TG: variants seen among roughly 807,000 people sequenced by gnomAD.
The protein encoded by TG is thyroid hormones.
In TG, 270 loss-of-function variants were observed where a neutral mutation model predicts 324.7. The observed-to-expected ratio is 0.83, with a 90% confidence interval of 0.75 to 0.92. The LOEUF is 0.92. TG is among the 40% of genes least tolerant of loss of function. The probability of loss-of-function intolerance (pLI) is 0.00; values close to 1 mark genes in which losing one functional copy is unlikely to be tolerated. For missense variants in TG, 3,591 were observed against 3,456.4 expected, an observed-to-expected ratio of 1.04 and a Z score of -0.98; for synonymous variants, 1,401 against 1,327.0, an observed-to-expected ratio of 1.06 and a Z score of -1.21.
chr8:133,097,490 A>C (rs1848599145), intron 43 of TG, among the ~76,000 whole-genome samples: 2 of 152,230 alleles, frequency 1.3e-5, no homozygotes, highest in African/African-American at 4.8e-5. Context: ...AGATATTAAA[A>C]AGAATGAGCT....
At chr8:132,877,585 C>T (rs895690357) in intron 5 of TG, among the ~76,000 whole-genome samples, 4 of 152,190 alleles carry the variant, frequency 2.6e-5, no homozygotes, top group South Asian at 2.1e-4. Context: ...TCGTACTCTG[C>T]GAATGAACAA....
intron 29 of TG, chr8:132,964,923 G>T (rs1564011617): frequency 1.4e-6 from 1 of 702,444 alleles, no homozygotes; most frequent in East Asian, 2.7e-5. Context: ...GGATCTGCCA[G>T]ATGCTCCCAG....
intron 41 of TG, among the ~76,000 whole-genome samples, chr8:133,093,469 G>A (rs1192446512): frequency 6.6e-6 from 1 of 152,118 alleles, no homozygotes; most frequent in Non-Finnish European, 1.5e-5. Context: ...TTGTCTAAGC[G>A]GTTAAGGACA....
chr8:132,974,643 T>C (rs563692396), intron 34 of TG, among the ~76,000 whole-genome samples: 11 of 152,356 alleles, frequency 7.2e-5, no homozygotes, highest in African/African-American at 2.2e-4. Context: ...AATGTCTAGA[T>C]ACCTTTCCTG....
intron 31 of TG, among the ~76,000 whole-genome samples, chr8:132,968,220 C>A (rs1828916796): frequency 6.6e-6 from 1 of 152,062 alleles, no homozygotes; most frequent in South Asian, 2.1e-4. Flanking sequence ...CAGAAGTGGG[C>A]TTTAAAAAAA....
rs537612589 is a variant in TG, at chr8:133,118,028, G to T, written c.7862+1312G>T. 3.3e-5 allele frequency among the ~76,000 whole-genome samples: 5 copies of T among 152,298 alleles called. No homozygotes were observed. In the East Asian group the frequency reaches 9.7e-4, roughly 29 times the overall value. The stretch of plus-strand genomic sequence containing the variant: ...ACAGGGCTTTACCCTGTGTTACTTA[G>T]CAAGGCAAGGGAACTCTTATAAACA... On this transcript the variant is annotated intron_variant, in intron 45 of 47. Coordinates refer to ENST00000220616, the MANE Select transcript of TG (RefSeq NM_003235.5).
At chr8:133,032,096 T>A (rs922304863) in intron 41 of TG, among the ~76,000 whole-genome samples, 2 of 151,964 alleles carry the variant, frequency 1.3e-5, no homozygotes, top group African/African-American at 4.8e-5. Flanking sequence ...CATCTTAGAG[T>A]CCGTGGATGT....
At chr8:133,096,097 G>A in intron 42 of TG, 109 bp from the exon 43 acceptor site, 1 of 1,386,650 alleles carries the variant, frequency 7.2e-7, no homozygotes, top group Non-Finnish European at 1.0e-6. Flanking sequence ...TCTCAGTAGA[G>A]TCATAGATGG....
At chr8:132,868,351 T>G (rs1839167196) in intron 2 of TG, 128 bp downstream of exon 2, 1 of 869,450 alleles carries the variant, frequency 1.2e-6, no homozygotes, top group Admixed American at 2.0e-5. Flanking sequence ...CCACTGTCAT[T>G]TGGAGGTGCC....
At chr8:133,096,787 C>A (rs1339434474) in intron 43 of TG, among the ~76,000 whole-genome samples, 2 of 152,220 alleles carry the variant, frequency 1.3e-5, no homozygotes, top group African/African-American at 2.4e-5. Flanking sequence ...GAAAAAGACA[C>A]TGAAGCACCA....
chr8:133,070,298 G>A (rs780015837), intron 41 of TG, among the ~76,000 whole-genome samples: 1 of 152,162 alleles, frequency 6.6e-6, no homozygotes, highest in African/African-American at 2.4e-5. Context: ...GACACCACTG[G>A]AGCGAACCGA....
chr8:132,888,303 C>G lies in TG; in HGVS notation c.2496C>G (p.Val832=), dbSNP rs749680058. Reference sequence around the variant, plus strand: ...TGTATGAGGCTGGCCAGCAAGATGTCTTCCCGGTGCTGTCACAATACCCTT... The same window carrying G: ...TGTATGAGGCTGGCCAGCAAGATGTGTTCCCGGTGCTGTCACAATACCCTT... ...QSLYEAGQQD[V]FPVLSQYPSL... The change falls in exon 10 of 48, where the codon GTC becomes GTG. Residue 832 remains valine, a synonymous_variant. Coordinates refer to ENST00000220616, the MANE Select transcript of TG (RefSeq NM_003235.5). The G allele has an allele frequency of 1.2e-6, 2 of 1,614,034 alleles. No individual in the cohort carries two copies. Among genetic ancestry groups the G allele is most frequent in the Admixed American group, 3.3e-5 (2 of 59,992 alleles).
intron 43 of TG, among the ~76,000 whole-genome samples, chr8:133,099,078 G>A (rs1325859281): frequency 6.6e-6 from 1 of 152,200 alleles, no homozygotes; most frequent in Non-Finnish European, 1.5e-5. Context: ...AAAGAAAGAT[G>A]GGGCCACCAG....
intron 41 of TG, chr8:133,072,846 G>A (rs991215423): frequency 3.3e-5 from 5 of 152,110 alleles, no homozygotes; most frequent in Admixed American, 1.3e-4. Context: ...TGTCTGTTTC[G>A]TTTATATCAG....
At chr8:133,061,253 C>G (rs1381021137) in intron 41 of TG, among the ~76,000 whole-genome samples, 1 of 152,234 alleles carries the variant, frequency 6.6e-6, no homozygotes, top group Non-Finnish European at 1.5e-5. Flanking sequence ...AGGTGATCTA[C>G]CTGCCTTGGC....
At chr8:133,095,814 A>G (rs1359827559) in intron 42 of TG, among the ~76,000 whole-genome samples, 1 of 152,186 alleles carries the variant, frequency 6.6e-6, no homozygotes, top group Non-Finnish European at 1.5e-5. Context: ...AGCAGGTCTT[A>G]TTCTCAGCTC....
intron 27 of TG, among the ~76,000 whole-genome samples, chr8:132,950,630 G>A (rs1245880882): frequency 1.3e-5 from 2 of 152,182 alleles, no homozygotes; most frequent in Admixed American, 1.3e-4. Flanking sequence ...TGCCGCAATT[G>A]CGCATTTGCC....
At chr8:133,099,530 C>A in intron 43 of TG, among the ~76,000 whole-genome samples, 1 of 152,210 alleles carries the variant, frequency 6.6e-6, no homozygotes. Flanking sequence ...GAACTCTGAA[C>A]TGGTTTAGCC....
Position 132,932,902 on chromosome 8 carries a change from C to A in TG, c.4817-659C>A, listed in dbSNP as rs1044608079. On this transcript the variant is annotated intron_variant, in intron 23 of 47. Coordinates refer to ENST00000220616, the MANE Select transcript of TG (RefSeq NM_003235.5). ...GATTTGGCTCCTCATAGAATAGAAG[C>A]AATTAAAATGTATAAAAGGTTTAAT... is the stretch of plus-strand genomic sequence containing the variant. Among the ~76,000 whole-genome samples, 12 of 152,158 alleles carry A rather than the reference C, an allele frequency of 7.9e-5. 1 individual carries two copies. The highest frequency in any genetic ancestry group is 6.5e-5 in the Admixed American group (1 of 15,282).
Sources: allele counts gnomAD v4.1 joint callset (sites outside exome capture counted in the v4.1 genomes callset), GRCh38; gene constraint gnomAD v4.1.1; transcripts MANE v1.5; gene names NCBI Gene and HGNC (gene_info 2026-07-23, HGNC 2026-07-21).